The following GPCPD1 variants were observed in gnomAD, a reference collection of about 807,000 sequenced individuals.
GPCPD1 encodes the protein glycerophosphocholine phosphodiesterase 1.
A neutral mutation model predicts 89.2 loss-of-function variants in GPCPD1; 29 were observed. The observed-to-expected ratio is 0.33, with a 90% CI of 0.24 to 0.44. The LOEUF is 0.44. Among genes scored for constraint, GPCPD1 ranks in the 20% least tolerant of loss-of-function variants. The pLI, the probability that GPCPD1 is intolerant of heterozygous loss-of-function variation, is 1.00. For synonymous variants in GPCPD1, 258 were observed against 266.3 expected (o/e 0.97, Z 0.30); for missense variants, 594 against 808.9 (o/e 0.73, Z 3.22).
At chr20:5,574,025 T>G in intron 10 of GPCPD1, 56 bp from the exon 11 acceptor site, 2 of 952,744 alleles carry the variant, frequency 2.1e-6, no homozygotes, top group Non-Finnish European at 3.4e-6. Context: ...GAAACAAATG[T>G]AATAAAGAAG....
At chr20:5,577,053 G>GTT (rs752262748) in intron 8 of GPCPD1, among the ~76,000 whole-genome samples, 6 of 124,622 alleles carry the variant, frequency 4.8e-5, no homozygotes, top group East Asian at 2.5e-4. Flanking sequence ...AAAAAAAGTT[G>GTT]TTTTTTTTTT....
At chr20:5,581,946 AG>A (rs1428341492) in intron 6 of GPCPD1, among the ~76,000 whole-genome samples, 14 of 142,350 alleles carry the variant, frequency 9.8e-5, no homozygotes, top group African/African-American at 3.1e-4. Context: ...GCACTTTGGG[AG>A]GCCGAGGCGG....
chr20:5,572,433 T>C (rs1312795882), intron 11 of GPCPD1, among the ~76,000 whole-genome samples: 3 of 152,198 alleles, frequency 2.0e-5, no homozygotes, highest in Non-Finnish European at 4.4e-5. Context: ...AAATAAGCTG[T>C]CAATTAAATT....
At chr20:5,606,350 T>C (rs1980585693) in intron 1 of GPCPD1, among the ~76,000 whole-genome samples, 2 of 152,108 alleles carry the variant, frequency 1.3e-5, no homozygotes, top group African/African-American at 4.8e-5. Context: ...TTATTCTGCA[T>C]CATGTACATT....
intron 4 of GPCPD1, among the ~76,000 whole-genome samples, chr20:5,591,399 T>G (rs973167305): frequency 3.3e-5 from 5 of 152,230 alleles, no homozygotes; most frequent in African/African-American, 1.2e-4. Flanking sequence ...TCAAACCTTT[T>G]GTTTTATAGA....
chr20:5,568,679 C>T (rs1035056382), intron 12 of GPCPD1, among the ~76,000 whole-genome samples: 1 of 151,980 alleles, frequency 6.6e-6, no homozygotes, highest in Non-Finnish European at 1.5e-5. Flanking sequence ...CTGAGATGGG[C>T]GGATCACCTG....
At chr20:5,562,564 G>A (rs1391686900) in intron 15 of GPCPD1, among the ~76,000 whole-genome samples, 1 of 152,192 alleles carries the variant, frequency 6.6e-6, no homozygotes, top group African/African-American at 2.4e-5. Context: ...TTACAGGCGT[G>A]AGCCACTGTG....
chr20:5,577,068 T>G (rs1268691024), intron 8 of GPCPD1, among the ~76,000 whole-genome samples: 3 of 136,382 alleles, frequency 2.2e-5, no homozygotes, highest in Admixed American at 7.3e-5. Flanking sequence ...TTTTTTTGTT[T>G]TTTTTTTTTT....
At chr20:5,577,967 T>C (rs916509487) in intron 8 of GPCPD1, among the ~76,000 whole-genome samples, 1 of 152,210 alleles carries the variant, frequency 6.6e-6, no homozygotes, top group African/African-American at 2.4e-5. Flanking sequence ...GTCAGTCCCA[T>C]CAACAAATCC....
intron 3 of GPCPD1, among the ~76,000 whole-genome samples, chr20:5,596,506 C>T (rs915913139): frequency 2.6e-5 from 4 of 152,128 alleles, no homozygotes; most frequent in African/African-American, 9.7e-5. Flanking sequence ...AGTGCAGCTG[C>T]CTAATTCTGA....
rs761448888 is a variant in GPCPD1, at chr20:5,557,994, T to C, written c.1780A>G (p.Asn594Asp). The part of the protein sequence containing the change: ...CWGDDTNDPE[N>D]RRKLKELGVN... Reference sequence around the variant, plus strand: ...CCAAGTTCCTTCAATTTCCTTCTGTTTTCAGGATCATTGGTATCATCACCC... The same window carrying C: ...CCAAGTTCCTTCAATTTCCTTCTGTCTTCAGGATCATTGGTATCATCACCC... The change falls in exon 19 of 20, where the codon AAC becomes GAC. Residue 594 changes from asparagine (N) to aspartate (D), a missense_variant. Coordinates refer to ENST00000379019, the MANE Select transcript of GPCPD1 (RefSeq NM_019593.5). 3.6e-5 allele frequency: 57 copies of C among 1,603,752 alleles called. No individual in the cohort carries two copies. Among genetic ancestry groups the C allele is most frequent in the Non-Finnish European group, 4.7e-5 (55 of 1,171,310 alleles).
rs11479995 is a variant in GPCPD1 at position 5,581,814 on chromosome 20, C to CTTTTTTTTTTTTT, written c.350-1696_350-1684dup. Among the ~76,000 whole-genome samples, 81 of 75,024 alleles carry CTTTTTTTTTTTTT rather than the reference C, an allele frequency of 1.1e-3. 4 individuals carry two copies. Among genetic ancestry groups the CTTTTTTTTTTTTT allele is most frequent in the African/African-American group, 2.4e-3 (32 of 13,088 alleles). 49.2% of individuals were successfully genotyped at this position (75,024 alleles called of 152,430 possible). A position where few individuals can be genotyped will look rare whatever the true frequency, so the allele number is the denominator to read the frequency against. On this transcript the variant is annotated intron_variant, in intron 6 of 19. Transcript: ENST00000379019. Reference sequence around the variant, plus strand: ...ATGCTTAATAATTGTGGGACTTTAACTTTTTTTTTTTTTTTTTTTTTTTTT... The same window carrying CTTTTTTTTTTTTT: ...ATGCTTAATAATTGTGGGACTTTAACTTTTTTTTTTTTTTTTTTTTTTTTTTTTTTTTTTTTTT...
At chr20:5,565,815 C>T (rs1986368209) in intron 14 of GPCPD1, among the ~76,000 whole-genome samples, 1 of 152,022 alleles carries the variant, frequency 6.6e-6, no homozygotes, top group South Asian at 2.1e-4. Flanking sequence ...AGAGAATATA[C>T]AGCAACTATT....
intron 8 of GPCPD1, 131 bp from the exon 9 acceptor site, chr20:5,576,109 T>C (rs542255146): frequency 2.4e-6 from 1 of 420,276 alleles, no homozygotes; most frequent in Non-Finnish European, 4.1e-6. Flanking sequence ...ATATATATAT[T>C]TTTTTTTTCA....
intron 5 of GPCPD1, chr20:5,585,176 C>T (rs1408455644): frequency 1.3e-5 from 2 of 152,074 alleles, no homozygotes; most frequent in African/African-American, 4.8e-5. Context: ...TTAAAACATT[C>T]AATACCTAGT....
intron 6 of GPCPD1, among the ~76,000 whole-genome samples, chr20:5,583,865 A>G (rs189883400): frequency 1.6e-4 from 24 of 152,358 alleles, no homozygotes; most frequent in Admixed American, 5.2e-4. Context: ...ACACACTTTT[A>G]ATTATATAAC....
intron 8 of GPCPD1, among the ~76,000 whole-genome samples, chr20:5,576,772 T>C (rs553045626): frequency 6.6e-6 from 1 of 152,302 alleles, no homozygotes; most frequent in African/African-American, 2.4e-5. Flanking sequence ...CTATACTCAC[T>C]TTGAGATTAC....
chr20:5,557,031 G>A (rs1985810237), intron 19 of GPCPD1, among the ~76,000 whole-genome samples: 1 of 152,248 alleles, frequency 6.6e-6, no homozygotes, highest in African/African-American at 2.4e-5. Context: ...CCTCACTGAG[G>A]TGACATTTAA....
At position 5,603,405 on chromosome 20, in the gene GPCPD1, G is replaced by A. The variant is rs115607721; in HGVS notation, c.49+959C>T. On this transcript the variant is annotated intron_variant, in intron 2 of 19. Transcript: ENST00000379019. Reference sequence around the variant, plus strand: ...CAGAACCTAGTGGAATCTGGAGGCTGGCAGTGGGGACAGGGGAGAGAAGAG... The same window carrying A: ...CAGAACCTAGTGGAATCTGGAGGCTAGCAGTGGGGACAGGGGAGAGAAGAG... Among the ~76,000 whole-genome samples, 7 of 152,286 alleles carry A rather than the reference G, an allele frequency of 4.6e-5. No homozygotes were observed. The South Asian group carries it at 8.3e-4, about 18-fold the overall frequency.
Sources: allele counts gnomAD v4.1 joint callset (sites outside exome capture counted in the v4.1 genomes callset), GRCh38; gene constraint gnomAD v4.1.1; transcripts MANE v1.5; gene names NCBI Gene and HGNC (gene_info 2026-07-23, HGNC 2026-07-21).